Variants in ZNF561 observed in about 807,000 individuals in gnomAD.
ZNF561 encodes the protein zinc finger protein 561.
In ZNF561, 16 loss-of-function variants were observed where a neutral mutation model predicts 16.7. That is an observed-to-expected ratio of 0.96 (90% CI 0.65 to 1.45). The LOEUF is 1.45. ZNF561 is among the 40% of genes most tolerant of loss of function. The probability of loss-of-function intolerance (pLI) is 0.00; values close to 1 mark genes in which losing one functional copy is unlikely to be tolerated. For missense variants in ZNF561, 580 were observed against 578.0 expected (o/e 1.00, Z -0.04); for synonymous variants, 190 against 192.1 (o/e 0.99, Z 0.09).
At chr19:9,618,017 C>T (rs2074589248) in intron 3 of ZNF561, 74 bp downstream of exon 3, 1 of 1,367,592 alleles carries the variant, frequency 7.3e-7, no homozygotes, top group Non-Finnish European at 1.0e-6. Context: ...GAAGATGAGT[C>T]TGTCTAGAAA....
intron 4 of ZNF561, 49 bp downstream of exon 4, chr19:9,616,996 G>C (rs774828902): frequency 4.2e-5 from 65 of 1,559,280 alleles, no homozygotes; most frequent in Non-Finnish European, 5.5e-5. Context: ...CAAGTATCTG[G>C]GACTACAGGT....
chr19:9,619,228 G>T, intron 2 of ZNF561: 1 of 296,758 alleles, frequency 3.4e-6, no homozygotes, highest in Non-Finnish European at 6.0e-6. Flanking sequence ...CTGCACTCCA[G>T]CCTGGGTGAC....
At position 9,619,532 on chromosome 19, in the gene ZNF561, A is replaced by G. The variant is rs2074621125; in HGVS notation, c.-76T>C. On this transcript the variant is annotated 5_prime_UTR_variant, in exon 2 of 6. Coordinates refer to ENST00000302851, the MANE Select transcript of ZNF561 (RefSeq NM_152289.3). ...TCACCTCAGGCCAGCTTATGAATCTAGGTGGATAGAGGCAATCTCCATTCC... is the reference window on the plus strand; with the variant it reads ...TCACCTCAGGCCAGCTTATGAATCTGGGTGGATAGAGGCAATCTCCATTCC... 6.8e-7 allele frequency: 1 copy of G among 1,481,422 alleles called. No individual in the cohort carries two copies. The highest frequency in any genetic ancestry group is 1.1e-5 in the South Asian group (1 of 87,022). 91.8% of individuals were successfully genotyped at this position (1,481,422 alleles called of 1,614,324 possible).
At position 9,607,482 on chromosome 19, in the gene ZNF561, G is replaced by A. The variant is rs917207667; in HGVS notation, c.*2718C>T. On this transcript the variant is annotated 3_prime_UTR_variant, in exon 6 of 6. Transcript: ENST00000302851. The stretch of plus-strand genomic sequence containing the variant: ...TCAGCCTCATGAATTATGAAATACT[G>A]GGAAATCATTCATCATGTAAAAACT... 2 of 152,132 alleles carry A rather than the reference G, an allele frequency of 1.3e-5. No homozygotes were observed. Among genetic ancestry groups the A allele is most frequent in the Non-Finnish European group, 2.9e-5 (2 of 68,030 alleles). The allele number at this position is 152,132 out of a possible 1,614,324, so 9.4% of individuals were successfully genotyped here. A position where few individuals can be genotyped will look rare whatever the true frequency, so the allele number is the denominator to read the frequency against.
chr19:9,611,921 G>A (rs1165571071), intron 5 of ZNF561, among the ~76,000 whole-genome samples: 2 of 151,968 alleles, frequency 1.3e-5, no homozygotes, highest in Non-Finnish European at 2.9e-5. Flanking sequence ...CAATCTTTCA[G>A]TTTGTTTGTT....
chr19:9,614,058 C>G lies in ZNF561; in HGVS notation c.287G>C (p.Gly96Ala), dbSNP rs2074509679. The G allele has an allele frequency of 6.2e-7, 1 of 1,614,034 alleles. No homozygotes were observed. The highest frequency in any genetic ancestry group is 2.2e-5 in the East Asian group (1 of 44,860). ...PRTKRSSLQQ[G>A]FLKNQIFSGI... is the part of the protein sequence containing the mutation. ...ACTGAATATTTGATTCTTCAAAAAA[C>G]CCTGCTGAAGTGATGACCGTTTGGT... The change falls in exon 5 of 6, where the codon GGT (glycine) becomes GCT (alanine). Residue 96 changes from glycine to alanine, a missense_variant. By Grantham distance (60) the Gly-to-Ala change is moderately conservative. Transcript: ENST00000302851.
chr19:9,620,585 G>A (rs905135138), intron 1 of ZNF561, among the ~76,000 whole-genome samples: 11 of 152,060 alleles, frequency 7.2e-5, no homozygotes, highest in African/African-American at 2.7e-4. Flanking sequence ...TAGTCGGTCT[G>A]ATACTTGTCC....
At chr19:9,616,544 G>A (rs1169939034) in intron 4 of ZNF561, among the ~76,000 whole-genome samples, 3 of 151,868 alleles carry the variant, frequency 2.0e-5, no homozygotes, top group South Asian at 2.1e-4. Flanking sequence ...GCCTCCCAAA[G>A]TGCTGGGATT....
Position 9,610,084 on chromosome 19 carries a change from C to T in ZNF561, c.*116G>A. ...AGAACCTGTAGGTTTAATTTCAGACCCTCAGGATGGTATCTAAGGCCAATC... is the reference window on the plus strand; with the variant it reads ...AGAACCTGTAGGTTTAATTTCAGACTCTCAGGATGGTATCTAAGGCCAATC... On this transcript the variant is annotated 3_prime_UTR_variant, in exon 6 of 6. Coordinates refer to ENST00000302851, the MANE Select transcript of ZNF561 (RefSeq NM_152289.3). The T allele has an allele frequency of 1.1e-6, 1 of 917,128 alleles. No homozygotes were observed. The highest frequency in any genetic ancestry group is 1.8e-5 in the South Asian group (1 of 54,434). The allele number at this position is 917,128 out of a possible 1,614,324, so 56.8% of individuals were successfully genotyped here.
chr19:9,617,894 T>A, intron 3 of ZNF561, 197 bp downstream of exon 3: 1 of 608,914 alleles, frequency 1.6e-6, no homozygotes, highest in Non-Finnish European at 3.1e-6. Context: ...ATTACTGAGC[T>A]ACTGGACTGA....
At chr19:9,611,983 A>G (rs895513067) in intron 5 of ZNF561, among the ~76,000 whole-genome samples, 2 of 152,022 alleles carry the variant, frequency 1.3e-5, no homozygotes, top group Admixed American at 6.6e-5. Context: ...GCTGGAGTGC[A>G]ATGGCATGAT....
intron 3 of ZNF561, 180 bp from the exon 4 acceptor site, chr19:9,617,351 A>C: frequency 4.3e-5 from 54 of 1,266,442 alleles, no homozygotes; most frequent in Non-Finnish European, 5.4e-5. Flanking sequence ...GACCTCCTAC[A>C]GGCATATGCC....
chr19:9,610,618 T>C lies in ZNF561; in HGVS notation c.1043A>G (p.Gln348Arg). Reference sequence around the variant, plus strand: ...TATGTGTATAGAAAGGCCCGAGTACTGAGCAAAGGCTTGGCCACATTCCTT... The same window carrying C: ...TATGTGTATAGAAAGGCCCGAGTACCGAGCAAAGGCTTGGCCACATTCCTT... ...ECKECGQAFAQYSGLSIHIRS... is the reference protein window; with the variant it reads ...ECKECGQAFARYSGLSIHIRS... The change falls in exon 6 of 6, where the codon CAG (glutamine) becomes CGG (arginine). Residue 348 changes from glutamine (Q) to arginine (R), a missense_variant. Gln to Arg is a conservative substitution (Grantham distance 43, BLOSUM62 1). Coordinates refer to ENST00000302851, the MANE Select transcript of ZNF561 (RefSeq NM_152289.3). 5 of 1,613,932 alleles carry C rather than the reference T, an allele frequency of 3.1e-6. No individual in the cohort carries two copies. The highest frequency in any genetic ancestry group is 2.5e-6 in the Non-Finnish European group (3 of 1,179,900).
chr19:9,614,162 G>T, intron 4 of ZNF561, 59 bp from the exon 5 acceptor site: 2 of 1,580,522 alleles, frequency 1.3e-6, no homozygotes, highest in Non-Finnish European at 1.7e-6. Context: ...CATTTAAAAT[G>T]AGTCATTTTT....
chr19:9,618,239 T>A (rs1468741697), intron 2 of ZNF561, 60 bp from the exon 3 acceptor site: 1 of 1,434,138 alleles, frequency 7.0e-7, no homozygotes, highest in Non-Finnish European at 9.6e-7. Flanking sequence ...CACATTCTCA[T>A]GCCTAGAAGT....
Position 9,614,195 on chromosome 19 carries a change from G to A in ZNF561, c.242-92C>T, listed in dbSNP as rs2144885651. 3.4e-6 allele frequency: 5 copies of A among 1,486,518 alleles called. No individual in the cohort carries two copies. The South Asian group carries it at 3.6e-5, about 11-fold the overall frequency. The allele number at this position is 1,486,518 out of a possible 1,614,324, so 92.1% of individuals were successfully genotyped here. The stretch of plus-strand genomic sequence containing the variant: ...TTTACTTGTTTTCAAATTAAACACA[G>A]CAATAAAATAAAAGCCAGAGAACCT... On this transcript the variant is annotated intron_variant, in intron 4 of 5. Coordinates refer to ENST00000302851, the MANE Select transcript of ZNF561 (RefSeq NM_152289.3).
intron 2 of ZNF561, among the ~76,000 whole-genome samples, chr19:9,618,831 T>C (rs1325187294): frequency 6.6e-6 from 1 of 152,106 alleles, no homozygotes. Flanking sequence ...TAAAACAGCA[T>C]TCTGGCTGGG....
In ZNF561 at chr19:9,610,821, G is replaced by T. The variant is rs1308116322; in HGVS notation, c.840C>A (p.Ser280=). The T allele has an allele frequency of 2.5e-6, 4 of 1,613,936 alleles. No homozygotes were observed. The African/African-American group carries it at 5.3e-5, about 22-fold the overall frequency. Residue 280 remains serine (S), a synonymous_variant, in exon 6 of 6, where the codon TCC becomes TCA. Coordinates refer to ENST00000302851, the MANE Select transcript of ZNF561 (RefSeq NM_152289.3). Reference sequence around the variant, plus strand: ...ATCTTCCACATTCTTTACATTCAAAGGACTTCTCTCCTTTATGAGTTTTCA... The same window carrying T: ...ATCTTCCACATTCTTTACATTCAAATGACTTCTCTCCTTTATGAGTTTTCA... ...APVKTHKGEK[S]FECKECGRSF... is the part of the protein sequence containing the mutation.
Position 9,619,550 on chromosome 19 carries a change from T to C in ZNF561, c.-94A>G. ...TGAATCTAGGTGGATAGAGGCAATC[T>C]CCATTCCTCTTTGTACAGGGTTATT... On this transcript the variant is annotated 5_prime_UTR_variant, in exon 2 of 6. Transcript: ENST00000302851. 7.6e-7 allele frequency: 1 copy of C among 1,314,816 alleles called. No homozygotes were observed. The highest frequency in any genetic ancestry group is 1.1e-6 in the Non-Finnish European group (1 of 918,792). The allele number at this position is 1,314,816 out of a possible 1,614,324, so 81.4% of individuals were successfully genotyped here.
Sources: gnomAD v4.1 joint callset for allele counts (sites outside exome capture counted in the v4.1 genomes callset) on GRCh38, gnomAD v4.1.1 for gene constraint, MANE v1.5 for transcripts, NCBI Gene and HGNC (gene_info 2026-07-23, HGNC 2026-07-21) for gene names.